The following MESD variants were observed in gnomAD, a reference collection of about 807,000 sequenced individuals.
MESD encodes LRP chaperone MESD.
Under a neutral mutation model 12.9 loss-of-function variants are expected in MESD, and 7 were observed. The observed-to-expected ratio is 0.54, with a 90% confidence interval of 0.31 to 1.02. The LOEUF is 1.02. Among genes scored for constraint, MESD ranks in the 50% least tolerant of loss-of-function variants. The probability of loss-of-function intolerance (pLI) is 0.05; values close to 1 mark genes in which losing one functional copy is unlikely to be tolerated. For synonymous variants in MESD, 126 were observed against 115.6 expected (o/e 1.09, Z -0.58); for missense variants, 342 against 296.7 (o/e 1.15, Z -1.12).
intron 4 of MESD, chr15:80,950,438 C>G (rs1301804847): frequency 6.6e-6 from 1 of 152,268 alleles, no homozygotes; most frequent in East Asian, 1.9e-4. Context: ...GCTAGCAGAT[C>G]TCTTCCCTCC....
intron 1 of MESD, among the ~76,000 whole-genome samples, chr15:80,985,158 C>T (rs1168827115): frequency 4.6e-5 from 7 of 152,246 alleles, no homozygotes; most frequent in Admixed American, 4.6e-4. Flanking sequence ...TTCAAAGAGC[C>T]ACTGATGGTG....
intron 3 of MESD, among the ~76,000 whole-genome samples, chr15:80,961,089 G>A (rs1198221863): frequency 6.6e-6 from 1 of 152,080 alleles, no homozygotes; most frequent in African/African-American, 2.4e-5. Flanking sequence ...GCTTAGGGGT[G>A]GTAACTGGCC....
intron 3 of MESD, among the ~76,000 whole-genome samples, chr15:80,955,426 C>T (rs868316083): frequency 7.1e-6 from 1 of 140,782 alleles, no homozygotes; most frequent in Non-Finnish European, 1.5e-5. Flanking sequence ...GGAGGCGGAG[C>T]TTGCAGTGAG....
At chr15:80,949,151 A>C in intron 4 of MESD, 2 of 599,564 alleles carry the variant, frequency 3.3e-6, no homozygotes, top group Admixed American at 2.7e-5. Flanking sequence ...CCAATGCTGG[A>C]AACATTCACT....
At chr15:80,981,867 C>A in intron 2 of MESD, 83 bp downstream of exon 2, 1 of 1,022,284 alleles carries the variant, frequency 9.8e-7, no homozygotes. Context: ...AAAAAATCAT[C>A]ATCATCATCA....
chr15:80,986,344 T>C (rs924485136), intron 1 of MESD, among the ~76,000 whole-genome samples: 1 of 152,170 alleles, frequency 6.6e-6, no homozygotes, highest in Non-Finnish European at 1.5e-5. Context: ...TAGTGCTCTA[T>C]AGCATTGTAG....
In MESD at chr15:80,982,123, G is replaced by C; in HGVS notation, c.273C>G (p.Val91=). Residue 91 remains valine (V), a synonymous_variant, in exon 2 of 3, where the codon GTC becomes GTG. Transcript: ENST00000261758. The stretch of plus-strand genomic sequence containing the variant: ...TGCTTGGGTCTATCTTTGAGAAGTC[G>C]ACAGGTGCTGAAGGTCTCTTGTGCT... The part of the protein sequence containing the change: ...LPEHKRPSAP[V]DFSKIDPSKP... 1.9e-6 allele frequency: 3 copies of C among 1,613,950 alleles called. No homozygotes were observed. The highest frequency in any genetic ancestry group is 2.5e-6 in the Non-Finnish European group (3 of 1,180,002).
chr15:80,963,195 G>T (rs1364219674), intron 3 of MESD, among the ~76,000 whole-genome samples: 1 of 152,106 alleles, frequency 6.6e-6, no homozygotes, highest in African/African-American at 2.4e-5. Context: ...AGAATACTAT[G>T]AACAGCTCTA....
intron 3 of MESD, among the ~76,000 whole-genome samples, chr15:80,968,834 G>C (rs576445497): frequency 2.6e-5 from 4 of 152,216 alleles, no homozygotes; most frequent in African/African-American, 9.6e-5. Flanking sequence ...TCCAACACCA[G>C]AACTGTGCTT....
chr15:80,962,661 T>C (rs1007570499), intron 3 of MESD, among the ~76,000 whole-genome samples: 1 of 152,072 alleles, frequency 6.6e-6, no homozygotes, highest in African/African-American at 2.4e-5. Flanking sequence ...GCAATCAAAT[T>C]AGAACTCAGG....
chr15:80,948,271 T>G, exon 5 of MESD: 1 of 198,334 alleles, frequency 5.0e-6, no homozygotes, highest in South Asian at 1.0e-4. Context: ...GCTGTGTGGG[T>G]TTCAGGGGTT....
In MESD at chr15:80,989,709, G is replaced by A. The variant is rs1893245822; in HGVS notation, c.83C>T (p.Pro28Leu). The A allele has an allele frequency of 6.2e-7, 1 of 1,610,660 alleles. No individual in the cohort carries two copies. Among genetic ancestry groups the A allele is most frequent in the Non-Finnish European group, 8.5e-7 (1 of 1,179,972 alleles). The change falls in exon 1 of 3, where the codon CCG (proline) becomes CTG (leucine). Residue 28 changes from proline (P) to leucine (L), a missense_variant. Physicochemically the swap from Pro to Leu is moderately conservative, Grantham distance 98 (BLOSUM62 -3). Transcript: ENST00000261758. Reference sequence around the variant, plus strand: ...GCCTTCGGCCGCGCAGGACCCAGGCGGTGGTAGCAGTAGCAGCAGCAGCAG... The same window carrying A: ...GCCTTCGGCCGCGCAGGACCCAGGCAGTGGTAGCAGTAGCAGCAGCAGCAG... ...DLLLLLLLLP[P>L]PGSCAAEGSP...
chr15:80,983,395 C>T (rs889816649), intron 1 of MESD, among the ~76,000 whole-genome samples: 1 of 152,052 alleles, frequency 6.6e-6, no homozygotes, highest in Non-Finnish European at 1.5e-5. Flanking sequence ...TATGGGCTAG[C>T]AATTCTGAGA....
At chr15:80,974,771 A>C (rs1240703422), downstream of MESD, among the ~76,000 whole-genome samples, 1 of 150,788 alleles carries the variant, frequency 6.6e-6, no homozygotes, top group Non-Finnish European at 1.5e-5. Context: ...AACAACACTA[A>C]GACTTTTCCT....
chr15:80,966,755 G>C (rs1397067655), intron 3 of MESD, among the ~76,000 whole-genome samples: 1 of 152,224 alleles, frequency 6.6e-6, no homozygotes, highest in Non-Finnish European at 1.5e-5. Context: ...ACTGTACACT[G>C]TGGGTGTGTG....
chr15:80,979,532 G>T, intron 2 of MESD, 55 bp from the exon 3 acceptor site: 1 of 1,563,694 alleles, frequency 6.4e-7, no homozygotes. Flanking sequence ...GGTGCTAAGG[G>T]GTCAGAGCAA....
At chr15:80,982,598 A>G (rs1279468633) in intron 1 of MESD, among the ~76,000 whole-genome samples, 1 of 152,240 alleles carries the variant, frequency 6.6e-6, no homozygotes, top group East Asian at 1.9e-4. Flanking sequence ...TTACTATGCA[A>G]TTCCGTTTAT....
Position 80,960,665 on chromosome 15 carries a change from A to G in MESD, c.*289-8369T>C, listed in dbSNP as rs111655496. Among the ~76,000 whole-genome samples, 660 of 152,334 alleles carry G rather than the reference A, an allele frequency of 4.3e-3. 5 individuals are homozygous for G. Among genetic ancestry groups the G allele is most frequent in the African/African-American group, 0.015 (626 of 41,578 alleles). Reference sequence around the variant, plus strand: ...CAAAATATCAAAGGAAAAATCATCAAAATTGGTTGATATGCCTACATAAAA... The same window carrying G: ...CAAAATATCAAAGGAAAAATCATCAGAATTGGTTGATATGCCTACATAAAA... On this transcript the variant is annotated intron_variant, in intron 3 of 4. Coordinates refer to the MESD transcript ENST00000561312.
downstream of MESD, among the ~76,000 whole-genome samples, chr15:80,974,854 A>T (rs1359208347): frequency 1.3e-5 from 2 of 151,306 alleles, no homozygotes; most frequent in African/African-American, 4.8e-5. Context: ...TAATTTTAAA[A>T]AATTATTTAA....
Sources: gnomAD v4.1 joint callset for allele counts (sites outside exome capture counted in the v4.1 genomes callset) on GRCh38, gnomAD v4.1.1 for gene constraint, MANE v1.5 for transcripts, NCBI Gene and HGNC (gene_info 2026-07-23, HGNC 2026-07-21) for gene names.